The following ADGRA1 variants were observed in gnomAD, a reference collection of about 807,000 sequenced individuals.
ADGRA1 encodes the protein G-protein coupled receptor 123.
ADGRA1 carries 12 observed loss-of-function variants against 21.3 expected under a neutral mutation model. The ratio of observed to expected loss-of-function variants is 0.56; its 90% confidence interval spans 0.36 to 0.91. The LOEUF (loss-of-function observed/expected upper bound fraction) is 0.91. Ranked by LOEUF, ADGRA1 falls within the 40% of genes least tolerant of loss-of-function variation. The pLI is 0.01. For synonymous variants in ADGRA1, 385 were observed against 368.8 expected, an observed-to-expected ratio of 1.04 and a Z score of -0.50; for missense variants, 790 against 805.6, an observed-to-expected ratio of 0.98 and a Z score of 0.23.
chr10:133,117,161 G>A (rs1432850334), intron 5 of ADGRA1, among the ~76,000 whole-genome samples: 1 of 152,150 alleles, frequency 6.6e-6, no homozygotes, highest in Non-Finnish European at 1.5e-5. Context: ...TGCCCGGCAG[G>A]AGCTGTGAGC....
At chr10:133,098,545 TC>T (rs1851729473) in intron 3 of ADGRA1, 94 bp from the exon 4 acceptor site, 5 of 1,469,720 alleles carry the variant, frequency 3.4e-6, no homozygotes, top group Admixed American at 2.1e-5. Flanking sequence ...AGCCCGGACT[TC>T]CCGGGGACAG....
At chr10:133,089,130 C>G (rs545817821) in intron 2 of ADGRA1, 30 of 815,226 alleles carry the variant, frequency 3.7e-5, no homozygotes, top group Non-Finnish European at 4.5e-5. Context: ...GGGTGCTGAT[C>G]ATACTAATGA....
chr10:133,100,530 G>A (rs543681641), intron 4 of ADGRA1, among the ~76,000 whole-genome samples: 4 of 152,378 alleles, frequency 2.6e-5, no homozygotes, highest in Admixed American at 1.3e-4. Flanking sequence ...GTGACAGCTC[G>A]GGGCGGATGC....
At chr10:133,096,317 T>A (rs1851687872) in intron 2 of ADGRA1, among the ~76,000 whole-genome samples, 1 of 152,174 alleles carries the variant, frequency 6.6e-6, no homozygotes, top group South Asian at 2.1e-4. Flanking sequence ...CTCCAAGCCT[T>A]TCCAGCTGGG....
At chr10:133,093,028 G>A in intron 2 of ADGRA1, 1 of 1,595,124 alleles carries the variant, frequency 6.3e-7, no homozygotes, top group Non-Finnish European at 8.5e-7. Flanking sequence ...AGTCGGAGCT[G>A]CAGACCTGGC....
intron 2 of ADGRA1, chr10:133,093,184 G>T (rs765037894): frequency 6.3e-7 from 1 of 1,595,178 alleles, no homozygotes; most frequent in East Asian, 2.2e-5. Flanking sequence ...CCCGCAGGGA[G>T]GAAGATTCCT....
chr10:133,088,529 C>G (rs1237438076), intron 1 of ADGRA1, 179 bp from the exon 2 acceptor site: 2 of 262,908 alleles, frequency 7.6e-6, no homozygotes, highest in African/African-American at 2.2e-5. Flanking sequence ...GCGTTCGGTC[C>G]GAGCCCCCCA....
chr10:133,114,257 C>G (rs893829926), intron 5 of ADGRA1, among the ~76,000 whole-genome samples: 4 of 152,200 alleles, frequency 2.6e-5, no homozygotes, highest in Non-Finnish European at 4.4e-5. Flanking sequence ...GGGATGGTAC[C>G]TCGAGGCCAC....
Position 133,088,789 on chromosome 10 carries a change from C to G in ADGRA1, c.-121C>G, listed in dbSNP as rs898474026. 32 of 1,232,446 alleles carry G rather than the reference C, an allele frequency of 2.6e-5. No homozygotes were observed. The highest frequency in any genetic ancestry group is 3.0e-5 in the Non-Finnish European group (30 of 987,834). The allele number at this position is 1,232,446 out of a possible 1,614,324, so 76.3% of individuals were successfully genotyped here. A position where few individuals can be genotyped will look rare whatever the true frequency, so the allele number is the denominator to read the frequency against. On this transcript the variant is annotated 5_prime_UTR_variant, in exon 2 of 7. Transcript: ENST00000392607. ...CCCGGGAGCGCGACCTCCTGGCCGC[C>G]GTCTGGGACTTTGACCTTCCAGAGG...
At chr10:133,104,408 G>A (rs916930100) in intron 5 of ADGRA1, among the ~76,000 whole-genome samples, 3 of 152,308 alleles carry the variant, frequency 2.0e-5, no homozygotes, top group Middle Eastern at 6.8e-3. Context: ...GCTGGCAGCC[G>A]TGGAACACCC....
Position 133,095,869 on chromosome 10 carries a change from C to T in ADGRA1, c.4-1105C>T, listed in dbSNP as rs905243021. On this transcript the variant is annotated intron_variant, in intron 2 of 6. Coordinates refer to ENST00000392607, the MANE Select transcript of ADGRA1 (RefSeq NM_001083909.3). ...CTCAGCCGGAGCCATCCCAGAGGCCCGGCCGGCTGCCTCCTCCTGCCCCGA... is the reference window on the plus strand; with the variant it reads ...CTCAGCCGGAGCCATCCCAGAGGCCTGGCCGGCTGCCTCCTCCTGCCCCGA... 28 of 1,475,360 alleles carry T rather than the reference C, an allele frequency of 1.9e-5. No homozygotes were observed. In the African/African-American group the frequency reaches 2.1e-4, roughly 11 times the overall value. The allele number at this position is 1,475,360 out of a possible 1,614,324, so 91.4% of individuals were successfully genotyped here. A position where few individuals can be genotyped will look rare whatever the true frequency, so the allele number is the denominator to read the frequency against.
chr10:133,098,887 ACATCGGTGTCTCGGCTTCACGCCATG>A, intron 4 of ADGRA1, 124 bp downstream of exon 4: 1 of 1,319,792 alleles, frequency 7.6e-7, no homozygotes, highest in South Asian at 1.4e-5. Flanking sequence ...GGACCCTGGC[ACATCGGTGTCTCGGCTTCACGCCATG>A]CAAGTCCACA....
intron 4 of ADGRA1, among the ~76,000 whole-genome samples, chr10:133,100,745 G>A (rs1851776906): frequency 6.6e-6 from 1 of 152,274 alleles, no homozygotes; most frequent in African/African-American, 2.4e-5. Context: ...CAAGGTGCCA[G>A]GCCATGCTGT....
intron 5 of ADGRA1, among the ~76,000 whole-genome samples, chr10:133,120,960 A>T (rs1252871187): frequency 6.6e-6 from 1 of 152,184 alleles, no homozygotes; most frequent in African/African-American, 2.4e-5. Context: ...CTTAGAGGCC[A>T]TTGTAGGGTT....
At chr10:133,104,582 G>A (rs893120315) in intron 5 of ADGRA1, among the ~76,000 whole-genome samples, 2 of 152,202 alleles carry the variant, frequency 1.3e-5, no homozygotes, top group Non-Finnish European at 2.9e-5. Context: ...TCCTCCTGGG[G>A]CTGCCTGGAG....
At chr10:133,091,091 C>A (rs749267492) in intron 2 of ADGRA1, among the ~76,000 whole-genome samples, 3 of 152,236 alleles carry the variant, frequency 2.0e-5, no homozygotes, top group African/African-American at 7.2e-5. Context: ...TCAGGACTTA[C>A]GTTCCAGCAG....
At chr10:133,108,717 C>T (rs1204476917) in intron 5 of ADGRA1, among the ~76,000 whole-genome samples, 1 of 152,154 alleles carries the variant, frequency 6.6e-6, no homozygotes, top group Non-Finnish European at 1.5e-5. Context: ...CCACTACACA[C>T]ATTTGCCGCA....
intron 5 of ADGRA1, among the ~76,000 whole-genome samples, chr10:133,103,154 C>T (rs1851830225): frequency 6.6e-6 from 1 of 152,158 alleles, no homozygotes; most frequent in South Asian, 2.1e-4. Context: ...ACATCTGCAG[C>T]TGGAGCCCGG....
intron 5 of ADGRA1, among the ~76,000 whole-genome samples, chr10:133,106,241 G>A (rs1427599654): frequency 1.3e-5 from 2 of 152,196 alleles, no homozygotes; most frequent in Non-Finnish European, 2.9e-5. Context: ...GGGCGCCGGA[G>A]CCCCTGCTGG....
Sources: allele counts gnomAD v4.1 joint callset (sites outside exome capture counted in the v4.1 genomes callset), GRCh38; gene constraint gnomAD v4.1.1; transcripts MANE v1.5; gene names NCBI Gene and HGNC (gene_info 2026-07-23, HGNC 2026-07-21).